Variants in COA6 observed in about 807,000 individuals in gnomAD.
The protein encoded by COA6 is cytochrome c oxidase assembly factor 6 homolog.
A neutral mutation model predicts 17.1 loss-of-function variants in COA6; 12 were observed. That is an observed-to-expected ratio of 0.70 (90% CI 0.45 to 1.14). COA6 has a LOEUF of 1.14. COA6 is among the 50% of genes most tolerant of loss of function. The pLI is 0.00. For missense variants in COA6, 246 were observed against 196.5 expected, an observed-to-expected ratio of 1.25 and a Z score of -1.51; for synonymous variants, 90 against 73.4, an observed-to-expected ratio of 1.23 and a Z score of -1.16.
At chr1:234,382,628 ATTT>A (rs1402050256) in intron 2 of COA6, among the ~76,000 whole-genome samples, 7 of 152,200 alleles carry the variant, frequency 4.6e-5, no homozygotes, top group African/African-American at 1.7e-4. Context: ...CCACTGAAAT[ATTT>A]AAGAATTAAA....
rs1222821243 is a variant in COA6, at chr1:234,384,223, A to AGAAG, written c.*407_*410dup. Reference sequence around the variant, plus strand: ...AGGGTTTGTGGAAGGTTTATAAGGAAGAAGGGTGAACTTAAAATATACAAG... The same window carrying AGAAG: ...AGGGTTTGTGGAAGGTTTATAAGGAAGAAGGAAGGGTGAACTTAAAATATACAAG... On this transcript the variant is annotated 3_prime_UTR_variant, in exon 3 of 3. Transcript: ENST00000366615. Among the ~76,000 whole-genome samples, 1 of 152,172 alleles carries AGAAG rather than the reference A, an allele frequency of 6.6e-6. No individual in the cohort carries two copies. Among genetic ancestry groups the AGAAG allele is most frequent in the Non-Finnish European group, 1.5e-5 (1 of 68,038 alleles).
At chr1:234,376,714 C>T (rs1213426230) in intron 2 of COA6, among the ~76,000 whole-genome samples, 1 of 152,212 alleles carries the variant, frequency 6.6e-6, no homozygotes, top group Non-Finnish European at 1.5e-5. Flanking sequence ...AAAGCCCTGT[C>T]TCCTTGGGTC....
At chr1:234,379,883 C>T (rs1317750905) in intron 2 of COA6, among the ~76,000 whole-genome samples, 1 of 152,186 alleles carries the variant, frequency 6.6e-6, no homozygotes, top group African/African-American at 2.4e-5. Context: ...CCTGGTCTCT[C>T]CCTTGACAAG....
chr1:234,373,960 G>C, intron 1 of COA6: 2 of 1,280,942 alleles, frequency 1.6e-6, no homozygotes, highest in Non-Finnish European at 2.1e-6. Flanking sequence ...GTTCTCAGCC[G>C]GGCTTTCTGA....
rs1553268495 is a variant in COA6 at position 234,377,133 on chromosome 1, T to TTTGTTGTTG, written c.372+2748_372+2756dup. 1.0e-3 allele frequency among the ~76,000 whole-genome samples: 72 copies of TTTGTTGTTG among 69,572 alleles called. 17 individuals carry two copies. Among genetic ancestry groups the TTTGTTGTTG allele is most frequent in the African/African-American group, 5.4e-3 (59 of 10,920 alleles). 45.6% of individuals were successfully genotyped at this position (69,572 alleles called of 152,430 possible). A position where few individuals can be genotyped will look rare whatever the true frequency, so the allele number is the denominator to read the frequency against. The stretch of plus-strand genomic sequence containing the variant: ...CTCTGTCTCCTCTTTTTTTGTTTTT[T>TTTGTTGTTG]TTGTTGTTGTTGAGACAGAGTCTCA... On this transcript the variant is annotated intron_variant, in intron 2 of 2. Transcript: ENST00000366615.
intron 2 of COA6, among the ~76,000 whole-genome samples, chr1:234,375,736 C>G (rs537269219): frequency 6.6e-6 from 1 of 152,308 alleles, no homozygotes; most frequent in East Asian, 1.9e-4. Context: ...TCACTGCAGC[C>G]TTGACCTCCT....
In COA6 at chr1:234,377,133, T is replaced by TTTTTTGTTGTTGTTGTTG. The variant is rs60899682; in HGVS notation, c.372+2746_372+2747insTTTGTTGTTGTTGTTGTT. Among the ~76,000 whole-genome samples the TTTTTTGTTGTTGTTGTTG allele has an allele frequency of 1.6e-4, 11 of 69,572 alleles. 2 individuals carry two copies. In the East Asian group the frequency reaches 1.8e-3, roughly 11 times the overall value. 45.6% of individuals were successfully genotyped at this position (69,572 alleles called of 152,430 possible). The stretch of plus-strand genomic sequence containing the variant: ...CTCTGTCTCCTCTTTTTTTGTTTTT[T>TTTTTTGTTGTTGTTGTTG]TTGTTGTTGTTGAGACAGAGTCTCA... On this transcript the variant is annotated intron_variant, in intron 2 of 2. Coordinates refer to ENST00000366615, the MANE Select transcript of COA6 (RefSeq NM_001206641.3).
At position 234,383,041 on chromosome 1, in the gene COA6, AGGG is replaced by A. The variant is rs1558126753; in HGVS notation, c.373-681_373-679del. ...AGAGAGAGAGAGAGAGAAGGAAGGG[AGGG>A]AGGGAGGGAGGGAGGGAGGGAGGGA... On this transcript the variant is annotated intron_variant, in intron 2 of 2. Transcript: ENST00000366615. Among the ~76,000 whole-genome samples the A allele has an allele frequency of 2.4e-3, 28 of 11,852 alleles. 1 individual carries two copies. The highest frequency in any genetic ancestry group is 6.4e-3 in the East Asian group (3 of 470). 7.8% of individuals were successfully genotyped at this position (11,852 alleles called of 152,430 possible).
Position 234,373,530 on chromosome 1 carries a change from G to T in COA6, c.64G>T (p.Gly22Trp), listed in dbSNP as rs768608083. ...CCGCGTGAGTTGCTTTTTGCGGCTGGGGAGGTCTACGCTTCTAGAGCTTGA... is the reference window on the plus strand; with the variant it reads ...CCGCGTGAGTTGCTTTTTGCGGCTGTGGAGGTCTACGCTTCTAGAGCTTGA... ...FRRVSCFLRL[G>W]RSTLLELEPA... is the part of the protein sequence containing the mutation. The change falls in exon 1 of 3, where the codon GGG becomes TGG. Residue 22 changes from glycine to tryptophan, a missense_variant. By Grantham distance (184) the Gly-to-Trp change is radical. Coordinates refer to ENST00000366615, the MANE Select transcript of COA6 (RefSeq NM_001206641.3). 6.2e-7 allele frequency: 1 copy of T among 1,609,198 alleles called. No homozygotes were observed. Among genetic ancestry groups the T allele is most frequent in the Admixed American group, 1.7e-5 (1 of 59,498 alleles).
intron 2 of COA6, among the ~76,000 whole-genome samples, chr1:234,383,176 A>G (rs1017175247): frequency 1.3e-5 from 2 of 152,110 alleles, no homozygotes; most frequent in East Asian, 3.9e-4. Context: ...CTCGCCAGCA[A>G]GCCTGACCTG....
intron 2 of COA6, among the ~76,000 whole-genome samples, chr1:234,381,953 CT>C (rs1360795944): frequency 6.6e-6 from 1 of 152,206 alleles, no homozygotes; most frequent in Non-Finnish European, 1.5e-5. Context: ...ATGTCCACTT[CT>C]TCCTTTGGTA....
intron 2 of COA6, among the ~76,000 whole-genome samples, chr1:234,377,766 C>G (rs10752783): frequency 0.55 from 83,052 of 152,090 alleles, 24,377 homozygotes; most frequent in African/African-American, 0.77. Context: ...CAGCCATCTG[C>G]TGTTAGCCAC....
intron 2 of COA6, among the ~76,000 whole-genome samples, chr1:234,382,220 A>G (rs777486776): frequency 7.2e-5 from 11 of 152,230 alleles, no homozygotes. Context: ...AAAGTGGACC[A>G]GGGTTTTCTT....
At position 234,374,212 on chromosome 1, in the gene COA6, T is replaced by C. The variant is rs779248156; in HGVS notation, c.213-18T>C. The C allele has an allele frequency of 1.2e-6, 2 of 1,600,454 alleles. No homozygotes were observed. The highest frequency in any genetic ancestry group is 1.4e-5 in the African/African-American group (1 of 73,878). On this transcript the variant is annotated intron_variant, in intron 1 of 2. Transcript: ENST00000366615. ...TACAAAGTTCATTGTTAATCTCAAA[T>C]ATTATTTTGGCCAACAGCTTCATCG...
chr1:234,381,949 A>C (rs886723201), intron 2 of COA6, among the ~76,000 whole-genome samples: 2 of 152,344 alleles, frequency 1.3e-5, no homozygotes, highest in South Asian at 4.1e-4. Flanking sequence ...GGCAATGTCC[A>C]CTTCTTCCTT....
chr1:234,376,314 A>G (rs188984249), intron 2 of COA6, among the ~76,000 whole-genome samples: 1 of 152,208 alleles, frequency 6.6e-6, no homozygotes, highest in African/African-American at 2.4e-5. Flanking sequence ...ACAACCAGCC[A>G]TTTGGTTCTT....
rs1659053976 is a variant in COA6 at position 234,383,827 on chromosome 1, TA to T, written c.*12del. On this transcript the variant is annotated 3_prime_UTR_variant, in exon 3 of 3. Transcript: ENST00000366615. ...CAACTGCAAAATCCTAGGCTGTTCA[TA>T]AAGATTGAAAGTATTCTTTCTGGAC... 2 of 1,430,774 alleles carry T rather than the reference TA, an allele frequency of 1.4e-6. No individual in the cohort carries two copies. The highest frequency in any genetic ancestry group is 9.7e-7 in the Non-Finnish European group (1 of 1,026,052). The allele number at this position is 1,430,774 out of a possible 1,614,324, so 88.6% of individuals were successfully genotyped here. A position where few individuals can be genotyped will look rare whatever the true frequency, so the allele number is the denominator to read the frequency against.
At chr1:234,382,530 TTG>T (rs1659004633) in intron 2 of COA6, among the ~76,000 whole-genome samples, 1 of 152,204 alleles carries the variant, frequency 6.6e-6, no homozygotes. Flanking sequence ...TCAGCTGACT[TTG>T]TGTGTGTCTG....
Position 234,374,327 on chromosome 1 carries a change from G to A in COA6, c.310G>A (p.Glu104Lys). 1 of 1,614,100 alleles carries A rather than the reference G, an allele frequency of 6.2e-7. No homozygotes were observed. Among genetic ancestry groups the A allele is most frequent in the Non-Finnish European group, 8.5e-7 (1 of 1,180,018 alleles). ...CTGGAAGTGTTTAGATGAGAACTTA[G>A]AGGATGCTTCTCAATGCAAGAAGTT... ...EYWKCLDENL[E>K]DASQCKKLRS... is the part of the protein sequence containing the mutation. The change falls in exon 2 of 3, where the codon GAG becomes AAG. Residue 104 changes from glutamate (E) to lysine (K), a missense_variant. Glu to Lys is a moderately conservative substitution (Grantham distance 56, BLOSUM62 1). Transcript: ENST00000366615.
Sources: gnomAD v4.1 joint callset for allele counts (sites outside exome capture counted in the v4.1 genomes callset) on GRCh38, gnomAD v4.1.1 for gene constraint, MANE v1.5 for transcripts, NCBI Gene and HGNC (gene_info 2026-07-23, HGNC 2026-07-21) for gene names.